The following MSRA variants were observed in gnomAD, a reference collection of about 807,000 sequenced individuals.
The protein encoded by MSRA is methionine sulfoxide reductase A.
Under a neutral mutation model 31.3 loss-of-function variants are expected in MSRA, and 54 were observed. The observed-to-expected ratio is 1.73, with a 90% CI of 1.39 to 2.17. The LOEUF (loss-of-function observed/expected upper bound fraction) is 2.17, where lower values mean the gene tolerates loss of function less well. Ranked by LOEUF, MSRA falls within the 30% of genes most tolerant of loss-of-function variation. MSRA has a pLI of 0.00. For synonymous variants in MSRA, 169 were observed against 116.5 expected, an observed-to-expected ratio of 1.45 and a Z score of -2.90; for missense variants, 507 against 300.9, an observed-to-expected ratio of 1.69 and a Z score of -5.07.
intron 5 of MSRA, among the ~76,000 whole-genome samples, chr8:10,324,493 C>G (rs2129140482): frequency 6.6e-6 from 1 of 152,286 alleles, no homozygotes; most frequent in East Asian, 1.9e-4. Context: ...GGGAGCTGCT[C>G]TCACCTTTTC....
chr8:10,401,870 A>C (rs1199529804), intron 5 of MSRA, among the ~76,000 whole-genome samples: 1 of 152,212 alleles, frequency 6.6e-6, no homozygotes. Flanking sequence ...TCATAGAGAT[A>C]GAAAATGGAA....
At chr8:10,428,067 G>T (rs1436945790) in intron 5 of MSRA, 81 bp from the exon 6 acceptor site, 12 of 1,490,978 alleles carry the variant, frequency 8.0e-6, no homozygotes, top group Non-Finnish European at 1.1e-5. Flanking sequence ...GCTCACTGCA[G>T]CCCTGGCCCC....
intron 1 of MSRA, among the ~76,000 whole-genome samples, chr8:10,169,430 T>TG (rs1304902296): frequency 6.6e-6 from 1 of 152,212 alleles, no homozygotes; most frequent in Non-Finnish European, 1.5e-5. Context: ...TGTTTGCTTA[T>TG]TTTAGAGCTA....
rs74324522 is a variant in MSRA at position 10,288,846 on chromosome 8, A to G, written c.332-12688A>G. Among the ~76,000 whole-genome samples, 40 of 152,322 alleles carry G rather than the reference A, an allele frequency of 2.6e-4. 1 individual carries two copies. The East Asian group carries it at 6.6e-3, about 25-fold the overall frequency. ...TACCACCATATACACTTAAAAAGCA[A>G]CTATAATGTGGCTAATGTGCAGAAT... is the stretch of plus-strand genomic sequence containing the variant. On this transcript the variant is annotated intron_variant, in intron 3 of 5. Coordinates refer to ENST00000317173, the MANE Select transcript of MSRA (RefSeq NM_012331.5).
At chr8:10,425,912 C>T (rs1330250476) in intron 5 of MSRA, among the ~76,000 whole-genome samples, 3 of 152,212 alleles carry the variant, frequency 2.0e-5, no homozygotes, top group African/African-American at 4.8e-5. Context: ...TTGCCTTGGA[C>T]CAGGAATGTC....
At chr8:10,123,892 T>A (rs552692380) in intron 1 of MSRA, among the ~76,000 whole-genome samples, 5 of 151,694 alleles carry the variant, frequency 3.3e-5, no homozygotes, top group Admixed American at 2.6e-4. Context: ...TGAGACAGGG[T>A]CTCACTCTGT....
At chr8:10,331,784 A>ATAATT (rs1248165120) in intron 5 of MSRA, among the ~76,000 whole-genome samples, 1 of 152,254 alleles carries the variant, frequency 6.6e-6, no homozygotes, top group African/African-American at 2.4e-5. Context: ...TGTACTTTAA[A>ATAATT]TAATCTCTAG....
At chr8:10,287,001 C>G (rs1799972964) in intron 3 of MSRA, among the ~76,000 whole-genome samples, 1 of 152,218 alleles carries the variant, frequency 6.6e-6, no homozygotes, top group South Asian at 2.1e-4. Flanking sequence ...ATCAAATATT[C>G]TAGCTACAGT....
chr8:10,269,174 G>C (rs2952182), intron 3 of MSRA, among the ~76,000 whole-genome samples: 12,031 of 152,266 alleles, frequency 0.079, 737 homozygotes, highest in Admixed American at 0.2. Context: ...TAATGGGCAA[G>C]AGTAGAATTC....
chr8:10,191,343 G>A (rs774766921), intron 1 of MSRA, among the ~76,000 whole-genome samples: 7 of 152,090 alleles, frequency 4.6e-5, no homozygotes, highest in Non-Finnish European at 7.3e-5. Context: ...TCTCCCCATT[G>A]CAGTTAGGCC....
chr8:10,301,684 G>A (rs1475489613), intron 4 of MSRA, 46 bp downstream of exon 4: 2 of 1,458,024 alleles, frequency 1.4e-6, no homozygotes, highest in South Asian at 1.2e-5. Flanking sequence ...ACTAATTACA[G>A]CTGGGATAAT....
intron 1 of MSRA, among the ~76,000 whole-genome samples, chr8:10,198,549 A>G (rs964870085): frequency 1.3e-5 from 2 of 152,096 alleles, no homozygotes; most frequent in African/African-American, 4.8e-5. Context: ...CTTTGTCTCA[A>G]TTCTGATTAT....
intron 1 of MSRA, among the ~76,000 whole-genome samples, chr8:10,074,575 A>T (rs1273412909): frequency 6.6e-6 from 1 of 152,202 alleles, no homozygotes; most frequent in Non-Finnish European, 1.5e-5. Flanking sequence ...CTGCATCTCT[A>T]CATTCACATT....
intron 1 of MSRA, among the ~76,000 whole-genome samples, chr8:10,057,921 G>T (rs1402181478): frequency 6.6e-6 from 1 of 152,172 alleles, no homozygotes; most frequent in African/African-American, 2.4e-5. Context: ...TAACACAAAG[G>T]CCGTCTTTCA....
intron 2 of MSRA, among the ~76,000 whole-genome samples, chr8:10,213,222 C>A (rs1809668143): frequency 6.6e-6 from 1 of 152,054 alleles, no homozygotes; most frequent in Non-Finnish European, 1.5e-5. Context: ...CTTTGGTAAC[C>A]ATCATTCTAC....
intron 1 of MSRA, among the ~76,000 whole-genome samples, chr8:10,056,478 G>A (rs1802379137): frequency 6.6e-6 from 1 of 150,766 alleles, no homozygotes; most frequent in Non-Finnish European, 1.5e-5. Context: ...ATATAGCTGT[G>A]AGTGTTTTTG....
intron 2 of MSRA, among the ~76,000 whole-genome samples, chr8:10,223,675 T>C (rs1444430378): frequency 1.3e-5 from 2 of 152,144 alleles, no homozygotes; most frequent in Non-Finnish European, 2.9e-5. Context: ...AGACAGATAC[T>C]GGGACAGAAA....
At chr8:10,393,575 C>G (rs940529374) in intron 5 of MSRA, among the ~76,000 whole-genome samples, 5 of 152,186 alleles carry the variant, frequency 3.3e-5, no homozygotes, top group Non-Finnish European at 5.9e-5. Flanking sequence ...GGCTGCCTGG[C>G]AGCCATATCA....
At chr8:10,353,958 C>G (rs1804356391) in intron 5 of MSRA, 1 of 179,090 alleles carries the variant, frequency 5.6e-6, no homozygotes, top group South Asian at 1.2e-4. Flanking sequence ...GTCAAGAGAG[C>G]TAAAATGAAC....
Sources: allele counts gnomAD v4.1 joint callset (sites outside exome capture counted in the v4.1 genomes callset), GRCh38; gene constraint gnomAD v4.1.1; transcripts MANE v1.5; gene names NCBI Gene and HGNC (gene_info 2026-07-23, HGNC 2026-07-21).